SETBP1: variants seen among roughly 807,000 people sequenced by gnomAD.
SETBP1 encodes the protein SET-binding protein.
Under a neutral mutation model 101.0 loss-of-function variants are expected in SETBP1, and 9 were observed. The ratio of observed to expected loss-of-function variants is 0.09; its 90% CI spans 0.05 to 0.16. SETBP1 has a LOEUF of 0.16. Among genes scored for constraint, SETBP1 ranks in the 10% least tolerant of loss-of-function variants. The pLI, the probability that SETBP1 is intolerant of heterozygous loss-of-function variation, is 1.00. For missense variants in SETBP1, 1,858 were observed against 2,033.8 expected, an observed-to-expected ratio of 0.91 and a Z score of 1.66; for synonymous variants, 818 against 788.5, an observed-to-expected ratio of 1.04 and a Z score of -0.63.
intron 4 of SETBP1, among the ~76,000 whole-genome samples, chr18:44,979,542 G>T (rs1315335563): frequency 6.6e-6 from 1 of 152,188 alleles, no homozygotes; most frequent in Non-Finnish European, 1.5e-5. Flanking sequence ...TGATCACAAA[G>T]CTGTATGATT....
Position 44,968,251 on chromosome 18 carries a change from A to G in SETBP1, c.4000+14911A>G, listed in dbSNP as rs180815194. 3.3e-5 allele frequency among the ~76,000 whole-genome samples: 5 copies of G among 150,862 alleles called. No individual in the cohort carries two copies. The East Asian group carries it at 9.7e-4, about 29-fold the overall frequency. ...AATATTGCACTTATTCATTCATCAT[A>G]CACACACACACACAATTCCTGGGAA... On this transcript the variant is annotated intron_variant, in intron 4 of 5. Coordinates refer to ENST00000649279, the MANE Select transcript of SETBP1 (RefSeq NM_015559.3).
In SETBP1 at chr18:44,846,302, C is replaced by T. The variant is rs190974543; in HGVS notation, c.487-22928C>T. ...TAATTCACATACTACAAAATTCACT[C>T]TTAAAAGTGTGCAATTCAGTGGTTT... is the stretch of plus-strand genomic sequence containing the variant. On this transcript the variant is annotated intron_variant, in intron 2 of 5. Transcript: ENST00000649279. 5.3e-5 allele frequency among the ~76,000 whole-genome samples: 8 copies of T among 152,308 alleles called. No individual in the cohort carries two copies. In the East Asian group the frequency reaches 1.5e-3, roughly 29 times the overall value.
At chr18:44,717,259 GTT>G (rs1205569278) in intron 2 of SETBP1, among the ~76,000 whole-genome samples, 1 of 152,212 alleles carries the variant, frequency 6.6e-6, no homozygotes, top group South Asian at 2.1e-4. Flanking sequence ...GCAGAGAGGT[GTT>G]TTTCTGGTCC....
At chr18:44,738,528 C>G (rs548498652) in intron 2 of SETBP1, among the ~76,000 whole-genome samples, 1 of 152,174 alleles carries the variant, frequency 6.6e-6, no homozygotes, top group Admixed American at 6.5e-5. Context: ...AATCCCAGCA[C>G]TTTGGGAGGC....
intron 2 of SETBP1, among the ~76,000 whole-genome samples, chr18:44,787,845 A>G (rs2071273304): frequency 8.5e-6 from 1 of 118,070 alleles, no homozygotes; most frequent in Non-Finnish European, 1.7e-5. Context: ...TGGGCGACAG[A>G]GCGAGAGTCC....
intron 2 of SETBP1, among the ~76,000 whole-genome samples, chr18:44,847,396 G>T (rs947734447): frequency 1.3e-5 from 2 of 152,192 alleles, no homozygotes; most frequent in Non-Finnish European, 2.9e-5. Context: ...TCTGGGATGA[G>T]TGAAGGAATC....
rs752582871 is a variant in SETBP1 at position 45,063,553 on chromosome 18, G to C, written c.4646G>C (p.Arg1549Pro). The C allele has an allele frequency of 9.0e-6, 7 of 780,010 alleles. No individual in the cohort carries two copies. The highest frequency in any genetic ancestry group is 7.6e-5 in the African/African-American group (2 of 26,294). The allele number at this position is 780,010 out of a possible 1,614,324, so 48.3% of individuals were successfully genotyped here. Residue 1549 changes from arginine (R) to proline (P), a missense_variant, in exon 6 of 6, where the codon CGA (arginine) becomes CCA (proline). Around this residue, in one of 12 missense-constraint regions of SETBP1, gnomAD observed 178 missense variants for 189.1 expected, o/e 0.94. Coordinates refer to ENST00000649279, the MANE Select transcript of SETBP1 (RefSeq NM_015559.3). ...CCACCCCCTCTACCCAAGACCCCCC[G>C]AGGCGGAAAGAGGAAACACAAACCG... ...PPPPPLPKTPRGGKRKHKPQA... is the reference protein window; with the variant it reads ...PPPPPLPKTPPGGKRKHKPQA...
intron 2 of SETBP1, among the ~76,000 whole-genome samples, chr18:44,826,653 T>A (rs993299538): frequency 6.6e-6 from 1 of 151,932 alleles, no homozygotes; most frequent in Non-Finnish European, 1.5e-5. Flanking sequence ...GTTGTTGTCG[T>A]TGTTGAAGGG....
At chr18:44,774,639 A>G (rs1477078492) in intron 2 of SETBP1, among the ~76,000 whole-genome samples, 1 of 152,142 alleles carries the variant, frequency 6.6e-6, no homozygotes, top group East Asian at 1.9e-4. Context: ...TGGGATTATG[A>G]AAACTCAGAG....
intron 4 of SETBP1, among the ~76,000 whole-genome samples, chr18:44,999,286 C>T (rs2072565435): frequency 6.6e-6 from 1 of 151,988 alleles, no homozygotes; most frequent in Non-Finnish European, 1.5e-5. Context: ...AGTGGCTGAC[C>T]CAGGATGCGA....
At chr18:44,794,199 A>G (rs1228240949) in intron 2 of SETBP1, among the ~76,000 whole-genome samples, 1 of 152,344 alleles carries the variant, frequency 6.6e-6, no homozygotes, top group Non-Finnish European at 1.5e-5. Context: ...TAGCTCTTCT[A>G]AAATAGCTAA....
intron 3 of SETBP1, among the ~76,000 whole-genome samples, chr18:44,902,232 TTC>T (rs58150833): frequency 0.86 from 128,480 of 149,630 alleles, 54,977 homozygotes; most frequent in African/African-American, 0.9. Flanking sequence ...ATCTCTCTCT[TTC>T]TCTCTCTCTC....
chr18:44,706,475 C>T (rs1414506174), intron 2 of SETBP1, among the ~76,000 whole-genome samples: 1 of 151,432 alleles, frequency 6.6e-6, no homozygotes, highest in Non-Finnish European at 1.5e-5. Context: ...ATAATCCCAG[C>T]ATCTTGGGAG....
intron 4 of SETBP1, among the ~76,000 whole-genome samples, chr18:45,023,851 C>T (rs2073115749): frequency 6.6e-6 from 1 of 152,258 alleles, no homozygotes; most frequent in South Asian, 2.1e-4. Context: ...CCTACGATAG[C>T]CCTCTGAGGT....
intron 2 of SETBP1, among the ~76,000 whole-genome samples, chr18:44,778,798 C>A (rs1392371253): frequency 6.6e-6 from 1 of 152,224 alleles, no homozygotes; most frequent in African/African-American, 2.4e-5. Context: ...CATTGTAACC[C>A]AAGGGCTGGG....
chr18:44,773,200 A>G (rs1442856069), intron 2 of SETBP1, among the ~76,000 whole-genome samples: 1 of 152,236 alleles, frequency 6.6e-6, no homozygotes, highest in African/African-American at 2.4e-5. Flanking sequence ...GAAGCATAGC[A>G]TATACACTAA....
chr18:45,021,451 A>G (rs2073066092), intron 4 of SETBP1, among the ~76,000 whole-genome samples: 1 of 152,140 alleles, frequency 6.6e-6, no homozygotes. Flanking sequence ...GTCCTCTTAG[A>G]CCACCAATGA....
chr18:44,873,214 A>G (rs1018679485), intron 3 of SETBP1, among the ~76,000 whole-genome samples: 6 of 152,208 alleles, frequency 3.9e-5, no homozygotes, highest in African/African-American at 1.2e-4. Flanking sequence ...CCAGCTATAC[A>G]CAGACCCTTC....
intron 4 of SETBP1, among the ~76,000 whole-genome samples, chr18:44,977,060 G>C (rs1378849035): frequency 6.6e-6 from 1 of 152,134 alleles, no homozygotes; most frequent in Non-Finnish European, 1.5e-5. Flanking sequence ...TCAATATATG[G>C]CAACTCTTAC....
Sources: gnomAD v4.1 joint callset for allele counts (sites outside exome capture counted in the v4.1 genomes callset) on GRCh38, gnomAD v4.1.1 for gene constraint, gnomAD v4.1.1 regional missense constraint, MANE v1.5 for transcripts, NCBI Gene and HGNC (gene_info 2026-07-23, HGNC 2026-07-21) for gene names.